The following DOCK8 variants were observed in gnomAD, a reference collection of about 807,000 sequenced individuals.
DOCK8 encodes the protein dedicator of cytokinesis protein 8.
A neutral mutation model predicts 245.6 loss-of-function variants in DOCK8; 141 were observed. The observed-to-expected ratio is 0.57, with a 90% confidence interval of 0.50 to 0.66. DOCK8 has a LOEUF of 0.66. Ranked by LOEUF, DOCK8 falls within the 30% of genes least tolerant of loss-of-function variation. The pLI is 0.00. For synonymous variants in DOCK8, 1,168 were observed against 970.2 expected (o/e 1.20, Z -3.79); for missense variants, 2,965 against 2,603.4 (o/e 1.14, Z -3.02).
At chr9:319,187 G>A (rs1357041054) in intron 7 of DOCK8, among the ~76,000 whole-genome samples, 4 of 152,176 alleles carry the variant, frequency 2.6e-5, no homozygotes, top group African/African-American at 9.7e-5. Flanking sequence ...GGAGGCTGAG[G>A]TGGAAGGATC....
intron 1 of DOCK8, among the ~76,000 whole-genome samples, chr9:267,718 C>G (rs57651039): frequency 0.033 from 4,995 of 152,202 alleles, 256 homozygotes; most frequent in African/African-American, 0.11. Context: ...CATGGGTCAA[C>G]CTAATTTATA....
intron 12 of DOCK8, among the ~76,000 whole-genome samples, chr9:338,172 G>T (rs928179994): frequency 6.7e-6 from 1 of 149,938 alleles, no homozygotes; most frequent in African/African-American, 2.5e-5. Flanking sequence ...AAAAAAAAAA[G>T]AGGTAATATG....
At position 214,942 on chromosome 9, in the gene DOCK8, C is replaced by G. The variant is rs2046704200; in HGVS notation, c.-35C>G. On this transcript the variant is annotated 5_prime_UTR_variant, in exon 1 of 48. Transcript: ENST00000432829. The stretch of plus-strand genomic sequence containing the variant: ...CGCCAGGCCCCCGCTTTCCGCACCC[C>G]GCGACCCTAGAAGCCACCGAACCGC... 1 of 1,604,394 alleles carries G rather than the reference C, an allele frequency of 6.2e-7. No homozygotes were observed. Among genetic ancestry groups the G allele is most frequent in the African/African-American group, 1.4e-5 (1 of 73,624 alleles).
At chr9:227,560 GC>G (rs1192047610) in intron 1 of DOCK8, among the ~76,000 whole-genome samples, 1 of 152,134 alleles carries the variant, frequency 6.6e-6, no homozygotes, top group African/African-American at 2.4e-5. Context: ...CCCTCTGAAG[GC>G]CTTTGTTTTT....
rs146777948 is a variant in DOCK8 at position 332,443 on chromosome 9, C to T, written c.1090C>T (p.Pro364Ser). 758 of 1,612,820 alleles carry T rather than the reference C, an allele frequency of 4.7e-4. No individual in the cohort carries two copies. The highest frequency in any genetic ancestry group is 6.1e-4 in the Non-Finnish European group (714 of 1,179,312). Reference sequence around the variant, plus strand: ...GGGAGAGATTGGAGACTGTGCAGAGCCCTACACGGTTATCAAAGAAAGTGA... The same window carrying T: ...GGGAGAGATTGGAGACTGTGCAGAGTCCTACACGGTTATCAAAGAAAGTGA... ...QQGEIGDCAEPYTVIKESDGG... is the reference protein window; with the variant it reads ...QQGEIGDCAESYTVIKESDGG... The change falls in exon 10 of 48, where the codon CCC becomes TCC. Residue 364 changes from proline (P) to serine (S), a missense_variant. Physicochemically the swap from Pro to Ser is moderately conservative, Grantham distance 74. Around this residue, in one of 3 missense-constraint regions of DOCK8, gnomAD observed 2,825 missense variants for 2,453.5 expected, o/e 1.15. Coordinates refer to ENST00000432829, the MANE Select transcript of DOCK8 (RefSeq NM_203447.4).
intron 4 of DOCK8, among the ~76,000 whole-genome samples, chr9:297,433 GTT>G (rs2049310200): frequency 6.6e-6 from 1 of 152,176 alleles, no homozygotes; most frequent in Non-Finnish European, 1.5e-5. Context: ...TTAGAATAGT[GTT>G]TTAAGAAAAG....
chr9:308,581 A>T (rs1478435760), intron 5 of DOCK8, among the ~76,000 whole-genome samples: 1 of 152,238 alleles, frequency 6.6e-6, no homozygotes, highest in Admixed American at 6.5e-5. Context: ...AAATTAGATT[A>T]TATTATGCAT....
intron 27 of DOCK8, among the ~76,000 whole-genome samples, chr9:406,498 A>T (rs201771603): frequency 2.4e-5 from 2 of 83,648 alleles, no homozygotes; most frequent in Non-Finnish European, 6.0e-5. Flanking sequence ...CAAAAAAAAA[A>T]AAAAAAAAAA....
chr9:238,959 C>G (rs556109218), intron 1 of DOCK8, among the ~76,000 whole-genome samples: 4 of 151,544 alleles, frequency 2.6e-5, no homozygotes, highest in Non-Finnish European at 4.4e-5. Flanking sequence ...CACACTCTCA[C>G]TGGGACCATT....
At chr9:240,984 TG>T (rs2131412472) in intron 1 of DOCK8, among the ~76,000 whole-genome samples, 2 of 152,312 alleles carry the variant, frequency 1.3e-5, no homozygotes, top group South Asian at 4.1e-4. Context: ...AAAGGGAAAA[TG>T]ATTATTGTTT....
chr9:434,975 G>T lies in DOCK8; in HGVS notation c.5079G>T (p.Gln1693His). ...SYLPVGSVSF[Q>H]NISSNVLEES... ...TGCCCGTGGGCAGTGTCAGCTTCCAGGTAGGGTGTGTGCAGCTTTTCCCTT... is the reference window on the plus strand; with the variant it reads ...TGCCCGTGGGCAGTGTCAGCTTCCATGTAGGGTGTGTGCAGCTTTTCCCTT... The change falls in exon 39 of 48, where the codon CAG (glutamine) becomes CAT (histidine). Residue 1693 changes from glutamine to histidine, a missense_variant and splice_region_variant. Around this residue, in one of 3 missense-constraint regions of DOCK8, gnomAD observed 2,825 missense variants for 2,453.5 expected, o/e 1.15. Coordinates refer to ENST00000432829, the MANE Select transcript of DOCK8 (RefSeq NM_203447.4). 6.2e-7 allele frequency: 1 copy of T among 1,612,370 alleles called. No homozygotes were observed. The highest frequency in any genetic ancestry group is 8.5e-7 in the Non-Finnish European group (1 of 1,180,022).
rs573775959 is a variant in DOCK8 at position 382,539 on chromosome 9, C to T, written c.2632C>T (p.Arg878Trp). ...CGCTCCCACTGCCCTCCTAGACCCT[C>T]GGAGCTACCACACGTATGGCCGCAC... ...SGAPTALLDP[R>W]SYHTYGRTSA... The change falls in exon 22 of 48, where the codon CGG becomes TGG. Residue 878 changes from arginine to tryptophan, a missense_variant. By Grantham distance (101) the Arg-to-Trp change is moderately radical. Coordinates refer to ENST00000432829, the MANE Select transcript of DOCK8 (RefSeq NM_203447.4). The T allele has an allele frequency of 1.4e-5, 22 of 1,613,926 alleles. No individual in the cohort carries two copies. The South Asian group carries it at 1.6e-4, about 12-fold the overall frequency.
intron 32 of DOCK8, 114 bp from the exon 33 acceptor site, chr9:421,934 A>T: frequency 1.1e-6 from 1 of 935,156 alleles, no homozygotes; most frequent in Non-Finnish European, 1.7e-6. Context: ...CATGGACTCT[A>T]ATTAGCCCGA....
At chr9:237,337 A>G (rs1257812598) in intron 1 of DOCK8, among the ~76,000 whole-genome samples, 2 of 152,236 alleles carry the variant, frequency 1.3e-5, no homozygotes, top group Non-Finnish European at 2.9e-5. Context: ...AGATGGTAGG[A>G]AACAAGGCCA....
At chr9:450,426 A>G (rs1052437154) in intron 45 of DOCK8, among the ~76,000 whole-genome samples, 1 of 152,146 alleles carries the variant, frequency 6.6e-6, no homozygotes, top group Non-Finnish European at 1.5e-5. Flanking sequence ...TTCTTAGGCT[A>G]CTTCAGACAA....
At chr9:335,964 C>T (rs946728638) in intron 11 of DOCK8, among the ~76,000 whole-genome samples, 2 of 152,160 alleles carry the variant, frequency 1.3e-5, no homozygotes, top group African/African-American at 2.4e-5. Flanking sequence ...ACAAGATCTC[C>T]ACCCAAATCC....
Position 379,923 on chromosome 9 carries a change from G to A in DOCK8, c.2593G>A (p.Val865Met), listed in dbSNP as rs770643758. 53 of 1,613,844 alleles carry A rather than the reference G, an allele frequency of 3.3e-5. No individual in the cohort carries two copies. Among genetic ancestry groups the A allele is most frequent in the Middle Eastern group, 1.6e-4 (1 of 6,082 alleles). The change falls in exon 21 of 48, where the codon GTG becomes ATG. Residue 865 changes from valine (V) to methionine (M), a missense_variant. Transcript: ENST00000432829. Reference protein sequence around the residue: ...VFRLPEVQRDVPKSGAPTALL... With the variant: ...VFRLPEVQRDMPKSGAPTALL... ...CCGCCTGCCAGAGGTGCAAAGGGAT[G>A]TGCCCAAGTCAGGTAGAGTTGCCCT...
rs549718961 is a variant in DOCK8 at position 305,602 on chromosome 9, T to G, written c.528+898T>G. Among the ~76,000 whole-genome samples, 6 of 152,300 alleles carry G rather than the reference T, an allele frequency of 3.9e-5. No individual in the cohort carries two copies. The East Asian group carries it at 1.2e-3, about 29-fold the overall frequency. On this transcript the variant is annotated intron_variant, in intron 5 of 47. Transcript: ENST00000432829. ...GCCTGGCCAGTTGTCATTATTCTTA[T>G]AAAGTAATTACAGTTTAAAATTCAA...
chr9:376,887 C>T, intron 19 of DOCK8, 90 bp from the exon 20 acceptor site: 2 of 1,153,954 alleles, frequency 1.7e-6, no homozygotes, highest in Non-Finnish European at 1.3e-6. Context: ...AGAGGTTCTA[C>T]CCATAAAGAG....
Sources: allele counts gnomAD v4.1 joint callset (sites outside exome capture counted in the v4.1 genomes callset), GRCh38; gene constraint gnomAD v4.1.1; regional missense constraint gnomAD v4.1.1; transcripts MANE v1.5; gene names NCBI Gene and HGNC (gene_info 2026-07-23, HGNC 2026-07-21).